LRRK1: variants seen among roughly 807,000 people sequenced by gnomAD.
LRRK1 encodes leucine-rich repeat serine/threonine-protein kinase 1.
LRRK1 carries 113 observed loss-of-function variants against 209.1 expected under a neutral mutation model. The ratio of observed to expected loss-of-function variants is 0.54; its 90% CI spans 0.46 to 0.63. The LOEUF is 0.63. Ranked by LOEUF, LRRK1 falls within the 30% of genes least tolerant of loss-of-function variation. LRRK1 has a pLI of 0.00. For synonymous variants in LRRK1, 1,144 were observed against 1,099.7 expected (o/e 1.04, Z -0.80); for missense variants, 2,284 against 2,632.2 (o/e 0.87, Z 2.89).
chr15:100,955,719 G>T (rs72633249), intron 2 of LRRK1, among the ~76,000 whole-genome samples: 68 of 1,778 alleles, frequency 0.038, no homozygotes, highest in African/African-American at 0.052. Flanking sequence ...TTTTACTAAT[G>T]TTTTTTTCTG....
At chr15:101,063,117 G>A (rs1567286086) in intron 31 of LRRK1, among the ~76,000 whole-genome samples, 3 of 152,192 alleles carry the variant, frequency 2.0e-5, no homozygotes, top group East Asian at 1.9e-4. Flanking sequence ...TCTGCCTCCC[G>A]CCAAGTACTC....
chr15:100,945,121 CAAAT>C (rs1441987825), intron 2 of LRRK1, among the ~76,000 whole-genome samples: 5 of 152,210 alleles, frequency 3.3e-5, no homozygotes, highest in Non-Finnish European at 7.3e-5. Context: ...TGTGCTGTAA[CAAAT>C]AATGCCAGAT....
rs141472268 is a variant in LRRK1, at chr15:100,922,543, G to A, written c.-122-1968G>A. On this transcript the variant is annotated intron_variant, in intron 1 of 33. Coordinates refer to ENST00000388948, the MANE Select transcript of LRRK1 (RefSeq NM_024652.6). ...TTTTGAAATGCTGTTGGTTATGTGC[G>A]GTAGCTGTTTTGGAGAGGTGTCTGA... Among the ~76,000 whole-genome samples the A allele has an allele frequency of 6.2e-4, 95 of 152,214 alleles. 3 individuals carry two copies. In the East Asian group the frequency reaches 0.014, roughly 22 times the overall value.
At chr15:101,062,758 G>T in intron 31 of LRRK1, 68 bp downstream of exon 31, 1 of 1,180,786 alleles carries the variant, frequency 8.5e-7, no homozygotes, top group South Asian at 1.2e-5. Context: ...GCGTCTCCTA[G>T]CTATGTCAGG....
At chr15:101,056,495 G>A (rs2035804674) in intron 27 of LRRK1, among the ~76,000 whole-genome samples, 1 of 152,136 alleles carries the variant, frequency 6.6e-6, no homozygotes, top group South Asian at 2.1e-4. Context: ...ATGGATGGGT[G>A]GATGGAAAAG....
intron 2 of LRRK1, among the ~76,000 whole-genome samples, chr15:100,966,707 G>A (rs2141643298): frequency 6.6e-6 from 1 of 152,260 alleles, no homozygotes; most frequent in East Asian, 1.9e-4. Flanking sequence ...CGGTGAGAGT[G>A]GATATGGTGT....
intron 3 of LRRK1, among the ~76,000 whole-genome samples, chr15:100,978,776 A>G (rs1222372390): frequency 6.6e-6 from 1 of 152,226 alleles, no homozygotes; most frequent in Non-Finnish European, 1.5e-5. Flanking sequence ...CCCAAAAAAT[A>G]AATTTACAGG....
Position 101,065,316 on chromosome 15 carries a change from G to A in LRRK1, c.4915-36G>A, listed in dbSNP as rs555830062. 3.9e-5 allele frequency: 63 copies of A among 1,595,946 alleles called. No homozygotes were observed. In the East Asian group the frequency reaches 1.3e-3, roughly 32 times the overall value. On this transcript the variant is annotated intron_variant, in intron 31 of 33. Transcript: ENST00000388948. ...GTGTCTCTCTTGGAATGTGTGAAAT[G>A]GAAGGATGTGACACATCCCTGTCTC...
rs148549721 is a variant in LRRK1, at chr15:100,923,771, G to A, written c.-122-740G>A. ...GCCAGATAATTCTTTGTTGCAAATA[G>A]CAGTCCTGTACATTGTAGGATGTTT... On this transcript the variant is annotated intron_variant, in intron 1 of 33. Coordinates refer to ENST00000388948, the MANE Select transcript of LRRK1 (RefSeq NM_024652.6). Among the ~76,000 whole-genome samples, 627 of 152,308 alleles carry A rather than the reference G, an allele frequency of 4.1e-3. 4 individuals are homozygous for A. The highest frequency in any genetic ancestry group is 0.014 in the African/African-American group (584 of 41,554).
Position 101,048,650 on chromosome 15 carries a change from T to C in LRRK1, c.3292T>C (p.Tyr1098His). 2 of 1,514,238 alleles carry C rather than the reference T, an allele frequency of 1.3e-6. No individual in the cohort carries two copies. Among genetic ancestry groups the C allele is most frequent in the South Asian group, 2.7e-5 (2 of 75,176 alleles). 93.8% of individuals were successfully genotyped at this position (1,514,238 alleles called of 1,614,324 possible). Residue 1098 changes from tyrosine to histidine, a missense_variant, in exon 22 of 34, where the codon TAC (tyrosine) becomes CAC (histidine). Transcript: ENST00000388948. ...GCTCCTGGTCACTTTTGATGGGGGC[T>C]ACCTCAGGTAGGAACACCTGGAAGC... ...EGLLVTFDGGYLSVESSDVNW... is the reference protein window; with the variant it reads ...EGLLVTFDGGHLSVESSDVNW...
intron 2 of LRRK1, among the ~76,000 whole-genome samples, chr15:100,943,117 T>C (rs1443403646): frequency 6.6e-6 from 1 of 152,228 alleles, no homozygotes; most frequent in Non-Finnish European, 1.5e-5. Context: ...GGCAACAGTC[T>C]ATGTAAAGTG....
chr15:100,934,802 C>CAAAAAAAAA (rs56258040), intron 2 of LRRK1, among the ~76,000 whole-genome samples: 2 of 53,438 alleles, frequency 3.7e-5, no homozygotes, highest in Non-Finnish European at 8.1e-5. Context: ...GAAACTGTCT[C>CAAAAAAAAA]AAAAAAAAAA....
At chr15:101,062,813 T>C (rs2036265805) in intron 31 of LRRK1, 123 bp downstream of exon 31, 1 of 744,898 alleles carries the variant, frequency 1.3e-6, no homozygotes, top group Non-Finnish European at 2.4e-6. Flanking sequence ...GCCTAGGACG[T>C]AGACTTAGAG....
At chr15:100,931,991 T>C (rs2042221440) in intron 2 of LRRK1, among the ~76,000 whole-genome samples, 1 of 151,894 alleles carries the variant, frequency 6.6e-6, no homozygotes, top group South Asian at 2.1e-4. Flanking sequence ...TTTTTGTTTG[T>C]TTGTTTGTTT....
rs1003990525 is a variant in LRRK1, at chr15:101,029,028, A to G, written c.2759A>G (p.Tyr920Cys). The stretch of plus-strand genomic sequence containing the variant: ...ACCAGCCACGGCCTGAGGAACCTCT[A>G]CTTCCTCGACCCTATTTGGCTCTCC... ...PDTSHGLRNL[Y>C]FLDPIWLSEC... Residue 920 changes from tyrosine (Y) to cysteine (C), a missense_variant, in exon 20 of 34, where the codon TAC becomes TGC. Tyr to Cys is a radical substitution (Grantham distance 194, BLOSUM62 -2). Transcript: ENST00000388948. 6.2e-7 allele frequency: 1 copy of G among 1,613,984 alleles called. No individual in the cohort carries two copies. Among genetic ancestry groups the G allele is most frequent in the Non-Finnish European group, 8.5e-7 (1 of 1,179,948 alleles).
chr15:101,068,102 C>T (rs1376254844), intron 33 of LRRK1, among the ~76,000 whole-genome samples: 1 of 152,172 alleles, frequency 6.6e-6, no homozygotes, highest in Non-Finnish European at 1.5e-5. Flanking sequence ...GCAGGGAGGC[C>T]ACACTGTGGC....
At chr15:101,006,603 C>T (rs550160314) in intron 6 of LRRK1, among the ~76,000 whole-genome samples, 43 of 149,964 alleles carry the variant, frequency 2.9e-4, no homozygotes, top group Admixed American at 4.7e-4. Flanking sequence ...GTTACACTTA[C>T]TGAAAATGAT....
chr15:101,024,977 C>G lies in LRRK1; in HGVS notation c.2232+10C>G. 6.2e-7 allele frequency: 1 copy of G among 1,609,624 alleles called. No homozygotes were observed. Among genetic ancestry groups the G allele is most frequent in the Non-Finnish European group, 8.5e-7 (1 of 1,177,620 alleles). ...GCTGCTCAACATCGAGGTGAGGACA[C>G]CAGACGCCAGCCCTGCCATTTCAGT... On this transcript the variant is annotated intron_variant, in intron 16 of 33. Transcript: ENST00000388948. The surrounding 1 kb of genome is among the most constrained non-coding windows in gnomAD (Gnocchi z 4.6).
At chr15:100,944,560 C>A (rs2042502169) in intron 2 of LRRK1, among the ~76,000 whole-genome samples, 1 of 152,182 alleles carries the variant, frequency 6.6e-6, no homozygotes, top group Non-Finnish European at 1.5e-5. Context: ...ATGATAGACA[C>A]CAGCCTACAA....
Sources: allele counts gnomAD v4.1 joint callset (sites outside exome capture counted in the v4.1 genomes callset), GRCh38; gene constraint gnomAD v4.1.1; non-coding constraint Gnocchi (gnomAD v3.1); transcripts MANE v1.5; gene names NCBI Gene and HGNC (gene_info 2026-07-23, HGNC 2026-07-21).